Variants in DLGAP5 observed in about 807,000 individuals in gnomAD.
DLGAP5 encodes the protein DLG associated protein 5.
A neutral mutation model predicts 99.6 loss-of-function variants in DLGAP5; 90 were observed. The observed-to-expected ratio is 0.90, with a 90% CI of 0.76 to 1.08. The LOEUF (loss-of-function observed/expected upper bound fraction) is 1.08, where lower values mean the gene tolerates loss of function less well. DLGAP5 is among the 50% of genes least tolerant of loss of function. The pLI is 0.00. For missense variants in DLGAP5, 1,036 were observed against 983.5 expected (o/e 1.05, Z -0.71); for synonymous variants, 311 against 321.3 (o/e 0.97, Z 0.34).
intron 6 of DLGAP5, among the ~76,000 whole-genome samples, chr14:55,179,972 C>A (rs1270627955): frequency 6.6e-6 from 1 of 151,886 alleles, no homozygotes; most frequent in Non-Finnish European, 1.5e-5. Flanking sequence ...ATTTTAGATT[C>A]CAGATTTTGG....
At chr14:55,159,216 C>A (rs1882326726) in intron 13 of DLGAP5, among the ~76,000 whole-genome samples, 1 of 152,124 alleles carries the variant, frequency 6.6e-6, no homozygotes, top group South Asian at 2.1e-4. Flanking sequence ...TGGGGTGAGG[C>A]AAGTGCTAGA....
At chr14:55,189,241 T>C in intron 1 of DLGAP5, 61 bp from the exon 2 acceptor site, 1 of 1,317,294 alleles carries the variant, frequency 7.6e-7, no homozygotes. Context: ...AAAATTAAGA[T>C]TACAGTTCAT....
chr14:55,160,740 G>A (rs1478907714), intron 13 of DLGAP5, among the ~76,000 whole-genome samples: 1 of 152,096 alleles, frequency 6.6e-6, no homozygotes, highest in South Asian at 2.1e-4. Flanking sequence ...ACCACGCCTG[G>A]CCTAGAAGAG....
intron 13 of DLGAP5, among the ~76,000 whole-genome samples, chr14:55,159,254 CA>C (rs1406200136): frequency 6.6e-6 from 1 of 151,936 alleles, no homozygotes; most frequent in African/African-American, 2.4e-5. Flanking sequence ...AGAAATGAAA[CA>C]AAGAAAAGTG....
chr14:55,181,657 A>T (rs951561303), intron 4 of DLGAP5, among the ~76,000 whole-genome samples: 1 of 152,128 alleles, frequency 6.6e-6, no homozygotes, highest in Non-Finnish European at 1.5e-5. Context: ...GCGCTTTCCC[A>T]TGGTTCTCTT....
At chr14:55,163,380 C>T (rs1882514761) in intron 12 of DLGAP5, among the ~76,000 whole-genome samples, 1 of 152,118 alleles carries the variant, frequency 6.6e-6, no homozygotes, top group Non-Finnish European at 1.5e-5. Flanking sequence ...TCTTAAATTA[C>T]ACAATGTGAA....
intron 13 of DLGAP5, among the ~76,000 whole-genome samples, chr14:55,161,936 T>G (rs967419881): frequency 1.3e-5 from 2 of 150,782 alleles, no homozygotes; most frequent in Non-Finnish European, 3.0e-5. Flanking sequence ...AAACAATACT[T>G]TAACAAGTTA....
intron 13 of DLGAP5, 58 bp downstream of exon 13, chr14:55,162,913 T>C: frequency 5.0e-6 from 4 of 793,086 alleles, no homozygotes; most frequent in East Asian, 2.7e-5. Context: ...TTTGGATGTA[T>C]GTATAACAGT....
At position 55,148,269 on chromosome 14, in the gene DLGAP5, C is replaced by G. The variant is rs539387465; in HGVS notation, c.*82G>C. ...TATGCTATAGAAGTGAACACAAATACATTTTCTCCAAAATTTCAATAGTCT... is the reference window on the plus strand; with the variant it reads ...TATGCTATAGAAGTGAACACAAATAGATTTTCTCCAAAATTTCAATAGTCT... On this transcript the variant is annotated 3_prime_UTR_variant, in exon 19 of 19. Transcript: ENST00000247191. 2 of 1,401,024 alleles carry G rather than the reference C, an allele frequency of 1.4e-6. No homozygotes were observed. Among genetic ancestry groups the G allele is most frequent in the Non-Finnish European group, 2.0e-6 (2 of 1,015,244 alleles). The allele number at this position is 1,401,024 out of a possible 1,614,324, so 86.8% of individuals were successfully genotyped here.
chr14:55,181,218 T>A lies in DLGAP5; in HGVS notation c.575A>T (p.Lys192Ile). The A allele has an allele frequency of 6.2e-7, 1 of 1,613,782 alleles. No individual in the cohort carries two copies. Among genetic ancestry groups the A allele is most frequent in the Non-Finnish European group, 8.5e-7 (1 of 1,179,876 alleles). ...TSEKKVSDKE[K>I]KVVQPVMPTS... ...GTAATTGCTAATATTCCTACCTTTT[T>A]TCTCTTTGTCTGACACTTTCTTTTC... Residue 192 changes from lysine (K) to isoleucine (I), a missense_variant, in exon 5 of 19, where the codon AAA (lysine) becomes ATA (isoleucine). Coordinates refer to ENST00000247191, the MANE Select transcript of DLGAP5 (RefSeq NM_014750.5).
rs973011947 is a variant in DLGAP5, at chr14:55,162,447, G to A, written c.1653+524C>T. Among the ~76,000 whole-genome samples, 12 of 151,994 alleles carry A rather than the reference G, an allele frequency of 7.9e-5. No individual in the cohort carries two copies. In the South Asian group the frequency reaches 1.5e-3, roughly 18 times the overall value. ...ATCCTGGCTAACACAGTGAAACCCC[G>A]TCTCTACTAAAAATACAAAAAATTA... On this transcript the variant is annotated intron_variant, in intron 13 of 18. Transcript: ENST00000247191.
At chr14:55,152,735 T>C (rs1023413996) in intron 15 of DLGAP5, 88 bp from the exon 16 acceptor site, 6 of 1,146,726 alleles carry the variant, frequency 5.2e-6, no homozygotes, top group Non-Finnish European at 6.0e-6. Context: ...ATGATGGCAA[T>C]TAGTTTAGGG....
At position 55,176,601 on chromosome 14, in the gene DLGAP5, AT is replaced by A. The variant is rs999118943; in HGVS notation, c.1049+460del. 8.7e-4 allele frequency among the ~76,000 whole-genome samples: 113 copies of A among 129,726 alleles called. 1 individual carries two copies. The highest frequency in any genetic ancestry group is 3.8e-3 in the African/African-American group (80 of 21,054). 85.1% of individuals were successfully genotyped at this position (129,726 alleles called of 152,430 possible). On this transcript the variant is annotated intron_variant, in intron 8 of 18. Coordinates refer to ENST00000247191, the MANE Select transcript of DLGAP5 (RefSeq NM_014750.5). ...ATTACATTATTGTACCTTCTGAAGA[AT>A]TTTTTTTAAAGAAAAAAATTGCATG...
chr14:55,174,180 G>A (rs994585528), intron 10 of DLGAP5, among the ~76,000 whole-genome samples: 1 of 152,204 alleles, frequency 6.6e-6, no homozygotes, highest in Non-Finnish European at 1.5e-5. Flanking sequence ...CCCCCTGGGC[G>A]TGGCCGTCTC....
In DLGAP5 at chr14:55,169,410, C is replaced by T. The variant is rs768267773; in HGVS notation, c.1537G>A (p.Val513Ile). ...CTDLDGFWDM[V>I]SFQIEDVIHK... Reference sequence around the variant, plus strand: ...ATTGAACCACATACCTGAAAACTAACCATATCCCAAAATCCATCCAGATCT... The same window carrying T: ...ATTGAACCACATACCTGAAAACTAATCATATCCCAAAATCCATCCAGATCT... The change falls in exon 12 of 19, where the codon GTT becomes ATT. Residue 513 changes from valine (V) to isoleucine (I), a missense_variant. Val to Ile is a conservative substitution (Grantham distance 29). Transcript: ENST00000247191. The T allele has an allele frequency of 3.9e-6, 6 of 1,526,572 alleles. No individual in the cohort carries two copies. The highest frequency in any genetic ancestry group is 5.2e-6 in the Non-Finnish European group (6 of 1,142,892). 94.6% of individuals were successfully genotyped at this position (1,526,572 alleles called of 1,614,324 possible).
chr14:55,181,322 T>A, intron 4 of DLGAP5, 25 bp from the exon 5 acceptor site: 1 of 1,568,236 alleles, frequency 6.4e-7, no homozygotes, highest in Non-Finnish European at 8.8e-7. Context: ...AGGTGCTATG[T>A]GATTTAATTG....
intron 2 of DLGAP5, among the ~76,000 whole-genome samples, 161 bp downstream of exon 2, chr14:55,188,781 A>T (rs1391777050): frequency 1.4e-4 from 7 of 49,358 alleles, no homozygotes; most frequent in Non-Finnish European, 2.2e-4. Context: ...TTGTAATTTA[A>T]AAAAAAAAAA....
chr14:55,152,774 G>A, intron 15 of DLGAP5, 127 bp from the exon 16 acceptor site: 1 of 683,614 alleles, frequency 1.5e-6, no homozygotes, highest in South Asian at 2.9e-5. Context: ...CCTGGTGCAA[G>A]ATCAGGCGTG....
chr14:55,171,185 C>G (rs1451736283), intron 10 of DLGAP5, among the ~76,000 whole-genome samples: 6 of 152,072 alleles, frequency 3.9e-5, no homozygotes, highest in Non-Finnish European at 8.8e-5. Context: ...ACTGTTAATC[C>G]CAGGATTATA....
Sources: allele counts gnomAD v4.1 joint callset (sites outside exome capture counted in the v4.1 genomes callset), GRCh38; gene constraint gnomAD v4.1.1; transcripts MANE v1.5; gene names NCBI Gene and HGNC (gene_info 2026-07-23, HGNC 2026-07-21).